NEK6: variants seen among roughly 807,000 people sequenced by gnomAD.
NEK6 encodes NIMA related kinase 6, also known as serine/threonine-protein kinase Nek6.
NEK6 carries 27 observed loss-of-function variants against 43.5 expected under a neutral mutation model. The observed-to-expected ratio is 0.62, with a 90% CI of 0.46 to 0.86. The LOEUF (loss-of-function observed/expected upper bound fraction) is 0.86, where lower values mean the gene tolerates loss of function less well. NEK6 is among the 40% of genes least tolerant of loss of function. The pLI is 0.00. For missense variants in NEK6, 318 were observed against 414.4 expected, an observed-to-expected ratio of 0.77 and a Z score of 2.02; for synonymous variants, 167 against 164.1, an observed-to-expected ratio of 1.02 and a Z score of -0.14.
At chr9:124,270,050 C>T (rs1831377045) in intron 1 of NEK6, among the ~76,000 whole-genome samples, 2 of 151,874 alleles carry the variant, frequency 1.3e-5, no homozygotes, top group African/African-American at 2.4e-5. Flanking sequence ...GTGCCAGCTG[C>T]AGTAGCCGTT....
chr9:124,346,564 T>C (rs1184266591), intron 8 of NEK6, among the ~76,000 whole-genome samples: 2 of 151,846 alleles, frequency 1.3e-5, no homozygotes, highest in Non-Finnish European at 2.9e-5. Flanking sequence ...GGCACTTCAC[T>C]AGCCGGAGGC....
intron 5 of NEK6, among the ~76,000 whole-genome samples, chr9:124,323,984 G>A (rs946403889): frequency 1.3e-5 from 2 of 152,052 alleles, no homozygotes. Context: ...CACGCCTCGG[G>A]TCCTTCCTCC....
chr9:124,345,707 C>T (rs750665533), intron 8 of NEK6, among the ~76,000 whole-genome samples: 1 of 152,178 alleles, frequency 6.6e-6, no homozygotes, highest in African/African-American at 2.4e-5. Flanking sequence ...GTCCCTTCTA[C>T]GCTGCACAGT....
intron 1 of NEK6, among the ~76,000 whole-genome samples, chr9:124,291,551 C>T (rs529679013): frequency 6.6e-6 from 1 of 152,088 alleles, no homozygotes; most frequent in Admixed American, 6.6e-5. Context: ...GCTTGAACCT[C>T]GGAGGCGGAG....
intron 4 of NEK6, among the ~76,000 whole-genome samples, chr9:124,319,690 G>A (rs896604850): frequency 6.6e-6 from 1 of 152,140 alleles, no homozygotes; most frequent in Admixed American, 6.6e-5. Context: ...AGTTAATTGA[G>A]TAGGGAGTCC....
chr9:124,292,953 G>T, intron 1 of NEK6: 1 of 1,572,906 alleles, frequency 6.4e-7, no homozygotes, highest in Non-Finnish European at 8.6e-7. Context: ...GCCCAGGAGA[G>T]AAGTTTGCTG....
chr9:124,289,537 T>C (rs551447358), intron 1 of NEK6, among the ~76,000 whole-genome samples: 1 of 152,140 alleles, frequency 6.6e-6, no homozygotes, highest in Non-Finnish European at 1.5e-5. Flanking sequence ...CCAGGAGGCA[T>C]CCAAGCCACA....
intron 9 of NEK6, 137 bp from the exon 10 acceptor site, chr9:124,350,700 T>C: frequency 1.4e-6 from 1 of 707,580 alleles, no homozygotes; most frequent in Non-Finnish European, 2.5e-6. Flanking sequence ...CTAAACACCG[T>C]TCTTCAGCTC....
intron 3 of NEK6, among the ~76,000 whole-genome samples, 175 bp downstream of exon 3, chr9:124,312,824 G>C (rs73666859): frequency 0.015 from 2,335 of 152,330 alleles, 55 homozygotes; most frequent in African/African-American, 0.053. Flanking sequence ...AGTTCACTGT[G>C]AACTGCAAAG....
At chr9:124,319,854 A>G (rs139339297) in intron 4 of NEK6, among the ~76,000 whole-genome samples, 217 of 152,314 alleles carry the variant, frequency 1.4e-3, no homozygotes, top group Non-Finnish European at 2.4e-3. Context: ...CTTGTAGTAT[A>G]GTTTGAAGTC....
intron 8 of NEK6, among the ~76,000 whole-genome samples, chr9:124,346,491 C>A (rs1829931687): frequency 6.6e-6 from 1 of 152,186 alleles, no homozygotes; most frequent in Admixed American, 6.5e-5. Context: ...GCCAAGAAGC[C>A]AGAGCAGGGT....
At chr9:124,297,754 C>T (rs1162928328) in intron 1 of NEK6, among the ~76,000 whole-genome samples, 3 of 152,200 alleles carry the variant, frequency 2.0e-5, no homozygotes, top group Non-Finnish European at 2.9e-5. Flanking sequence ...GCAGGAGCCG[C>T]GGGATCCCGG....
chr9:124,347,944 G>A (rs1378111755), intron 9 of NEK6, 122 bp downstream of exon 9: 3 of 579,258 alleles, frequency 5.2e-6, no homozygotes, highest in East Asian at 5.8e-5. Flanking sequence ...GTGCAGAAAG[G>A]GAGCTTTCTG....
chr9:124,287,054 G>T (rs939002847), intron 1 of NEK6, among the ~76,000 whole-genome samples: 9 of 152,196 alleles, frequency 5.9e-5, no homozygotes, highest in African/African-American at 1.9e-4. Context: ...CCTGGCTGCG[G>T]GGGACAGAGG....
intron 8 of NEK6, among the ~76,000 whole-genome samples, chr9:124,340,479 T>G (rs1217006191): frequency 6.6e-6 from 1 of 152,206 alleles, no homozygotes; most frequent in African/African-American, 2.4e-5. Flanking sequence ...TCCATCCACC[T>G]GGCTGAGCCC....
chr9:124,301,782 T>C (rs1308570195), intron 1 of NEK6, among the ~76,000 whole-genome samples, 154 bp from the exon 2 acceptor site: 1 of 152,166 alleles, frequency 6.6e-6, no homozygotes, highest in Non-Finnish European at 1.5e-5. Context: ...TGTCAAGTTG[T>C]AGCCCTGCCA....
intron 1 of NEK6, chr9:124,291,788 A>G: frequency 1.0e-6 from 1 of 984,816 alleles, no homozygotes; most frequent in Non-Finnish European, 1.2e-6. Context: ...CTGCCATCAG[A>G]TTCCAGTCCC....
At position 124,324,962 on chromosome 9, in the gene NEK6, G is replaced by T. The variant is rs1288916504; in HGVS notation, c.406-1368G>T. ...GGCCGAGGCAGGCAGATCACCTGAG[G>T]TGAGGAGTTCGAGACCAGCCTGGCT... is the stretch of plus-strand genomic sequence containing the variant. On this transcript the variant is annotated intron_variant, in intron 5 of 9. Transcript: ENST00000320246. The surrounding 1 kb of genome is among the most constrained non-coding windows in gnomAD (Gnocchi z 5.3). Among the ~76,000 whole-genome samples the T allele has an allele frequency of 2.6e-5, 4 of 152,176 alleles. No homozygotes were observed. Among genetic ancestry groups the T allele is most frequent in the Non-Finnish European group, 5.9e-5 (4 of 68,018 alleles).
At position 124,261,995 on chromosome 9, in the gene NEK6, T is replaced by G. The variant is rs1226285052; in HGVS notation, c.-30+3910T>G. The stretch of plus-strand genomic sequence containing the variant: ...CTGACATCATTCTTAGGAAGTGGTG[T>G]GCACATGCCGTGGAACTTTACATGG... On this transcript the variant is annotated intron_variant, in intron 1 of 9. Coordinates refer to ENST00000320246, the MANE Select transcript of NEK6 (RefSeq NM_014397.6). 2.6e-5 allele frequency among the ~76,000 whole-genome samples: 4 copies of G among 151,704 alleles called. No individual in the cohort carries two copies. The South Asian group carries it at 8.3e-4, about 32-fold the overall frequency.
Sources: allele counts gnomAD v4.1 joint callset (sites outside exome capture counted in the v4.1 genomes callset), GRCh38; gene constraint gnomAD v4.1.1; non-coding constraint Gnocchi (gnomAD v3.1); transcripts MANE v1.5; gene names NCBI Gene and HGNC (gene_info 2026-07-23, HGNC 2026-07-21).